The following SLC22A11 variants were observed in gnomAD, a reference collection of about 807,000 sequenced individuals.
SLC22A11 encodes solute carrier family 22 member 11, also known as organic anion transporter 4.
A neutral mutation model predicts 49.4 loss-of-function variants in SLC22A11; 42 were observed. That is an observed-to-expected ratio of 0.85 (90% CI 0.66 to 1.10). The LOEUF (loss-of-function observed/expected upper bound fraction) is 1.10, where lower values mean the gene tolerates loss of function less well. Among genes scored for constraint, SLC22A11 ranks in the 50% least tolerant of loss-of-function variants. SLC22A11 has a pLI of 0.00. For synonymous variants in SLC22A11, 304 were observed against 315.8 expected (o/e 0.96, Z 0.40); for missense variants, 685 against 731.6 (o/e 0.94, Z 0.74).
rs779256060 is a variant in SLC22A11 at position 64,568,789 on chromosome 11, C to A, written c.1382+11C>A. 3.7e-6 allele frequency: 6 copies of A among 1,610,760 alleles called. No individual in the cohort carries two copies. Among genetic ancestry groups the A allele is most frequent in the Admixed American group, 3.3e-5 (2 of 60,004 alleles). ...TCCAACGCCAGTGCGGTAAGCTGGGCTGCAGGCCATGCCCCAGGGCCAGCA... is the reference window on the plus strand; with the variant it reads ...TCCAACGCCAGTGCGGTAAGCTGGGATGCAGGCCATGCCCCAGGGCCAGCA... On this transcript the variant is annotated intron_variant, in intron 8 of 9. Coordinates refer to ENST00000301891, the MANE Select transcript of SLC22A11 (RefSeq NM_018484.4).
At chr11:64,557,798 A>ATT (rs71049648) in intron 1 of SLC22A11, among the ~76,000 whole-genome samples, 3,325 of 133,308 alleles carry the variant, frequency 0.025, 155 homozygotes, top group African/African-American at 0.085. Context: ...TGCCCAGCTA[A>ATT]TTTTTTTTTT....
chr11:64,568,906 C>A, intron 8 of SLC22A11, 128 bp downstream of exon 8: 1 of 753,028 alleles, frequency 1.3e-6, no homozygotes, highest in Non-Finnish European at 2.3e-6. Context: ...CCCAGGACAG[C>A]TCTTCCCCTT....
chr11:64,559,036 GA>G, intron 1 of SLC22A11, 98 bp from the exon 2 acceptor site: 1 of 982,324 alleles, frequency 1.0e-6, no homozygotes, highest in Non-Finnish European at 1.6e-6. Flanking sequence ...CTGGCACTGG[GA>G]GTCCAGGGAC....
Position 64,564,181 on chromosome 11 carries a change from C to T in SLC22A11, c.822-127C>T, listed in dbSNP as rs1243605215. ...TGCCAGGCTCCTGGCTGGGCAGCAG[C>T]GGCACAGAAGCATGTGCTTCCTCAT... is the stretch of plus-strand genomic sequence containing the variant. On this transcript the variant is annotated intron_variant, in intron 4 of 9. Transcript: ENST00000301891. This position sits in a 1 kb window ranked among gnomAD's most constrained non-coding sequence, Gnocchi z 4.2. 39 of 1,217,906 alleles carry T rather than the reference C, an allele frequency of 3.2e-5. 1 individual carries two copies. Among genetic ancestry groups the T allele is most frequent in the Middle Eastern group, 2.5e-4 (1 of 3,974 alleles). 75.4% of individuals were successfully genotyped at this position (1,217,906 alleles called of 1,614,324 possible).
rs773195502 is a variant in SLC22A11, at chr11:64,562,116, G to A, written c.610G>A (p.Ala204Thr). 1.2e-5 allele frequency: 20 copies of A among 1,613,722 alleles called. No homozygotes were observed. Among genetic ancestry groups the A allele is most frequent in the East Asian group, 2.2e-5 (1 of 44,876 alleles). The change falls in exon 3 of 10, where the codon GCT (alanine) becomes ACT (threonine). Residue 204 changes from alanine to threonine, a missense_variant. By Grantham distance (58) the Ala-to-Thr change is moderately conservative. Coordinates refer to ENST00000301891, the MANE Select transcript of SLC22A11 (RefSeq NM_018484.4). The surrounding 1 kb of genome is among the most constrained non-coding windows in gnomAD (Gnocchi z 4.4). ...VIYCGLRFVAAFGMAGIFLSS... is the reference protein window; with the variant it reads ...VIYCGLRFVATFGMAGIFLSS... ...CTACTGCGGCCTGCGGTTCGTGGCC[G>A]CTTTTGGGATGGCCGGCATCTTTCT...
At chr11:64,558,073 C>G (rs1371050326) in intron 1 of SLC22A11, among the ~76,000 whole-genome samples, 1 of 152,142 alleles carries the variant, frequency 6.6e-6, no homozygotes, top group Non-Finnish European at 1.5e-5. Context: ...GCTGGGATTA[C>G]AGGCATGAAC....
chr11:64,560,830 C>G (rs1183949941), intron 2 of SLC22A11, among the ~76,000 whole-genome samples: 1 of 152,224 alleles, frequency 6.6e-6, no homozygotes, highest in African/African-American at 2.4e-5. Context: ...CTTCCCACTC[C>G]CTCCTGCCAC....
At chr11:64,568,107 C>T (rs946601291) in intron 7 of SLC22A11, among the ~76,000 whole-genome samples, 2 of 152,228 alleles carry the variant, frequency 1.3e-5, no homozygotes, top group African/African-American at 2.4e-5. Flanking sequence ...CGGAGGCGGC[C>T]GGGGCCCTGC....
Position 64,556,986 on chromosome 11 carries a change from G to A in SLC22A11, c.393+594G>A, listed in dbSNP as rs189446481. 3.9e-5 allele frequency among the ~76,000 whole-genome samples: 6 copies of A among 152,338 alleles called. No homozygotes were observed. The East Asian group carries it at 1.2e-3, about 29-fold the overall frequency. ...TCTGGTCACCCCACGCCCATTTCCT[G>A]ATCGGTGATGATGGCCCAGATTCGG... On this transcript the variant is annotated intron_variant, in intron 1 of 9. Transcript: ENST00000301891.
Position 64,567,700 on chromosome 11 carries a change from T to C in SLC22A11, c.1160T>C (p.Leu387Pro), listed in dbSNP as rs540715201. The C allele has an allele frequency of 1.2e-6, 2 of 1,613,818 alleles. No homozygotes were observed. Among genetic ancestry groups the C allele is most frequent in the African/African-American group, 2.7e-5 (2 of 74,936 alleles). ...GCCCTCTTCGGGGCCGTGGACTTCC[T>C]GGGCCGGGCCACCACTGCCCTCTTG... is the stretch of plus-strand genomic sequence containing the variant. ...LQALFGAVDF[L>P]GRATTALLLS... Residue 387 changes from leucine to proline, a missense_variant, in exon 7 of 10, where the codon CTG (leucine) becomes CCG (proline). By Grantham distance (98) the Leu-to-Pro change is moderately conservative. Transcript: ENST00000301891.
intron 7 of SLC22A11, among the ~76,000 whole-genome samples, chr11:64,568,173 C>T (rs116054523): frequency 0.021 from 3,197 of 152,322 alleles, 123 homozygotes; most frequent in African/African-American, 0.073. Context: ...AAACTGACAA[C>T]GGCGAGCACC....
chr11:64,559,808 G>A (rs1002228782), intron 2 of SLC22A11, among the ~76,000 whole-genome samples: 3 of 152,172 alleles, frequency 2.0e-5, no homozygotes, highest in Non-Finnish European at 4.4e-5. Context: ...GGCCGGTTAG[G>A]GGAACAGGGC....
At chr11:64,568,484 C>T (rs1025346825) in intron 7 of SLC22A11, among the ~76,000 whole-genome samples, 186 bp from the exon 8 acceptor site, 1 of 152,222 alleles carries the variant, frequency 6.6e-6, no homozygotes, top group Non-Finnish European at 1.5e-5. Flanking sequence ...GGGCCCCTGC[C>T]GCGATATCGC....
chr11:64,565,288 T>C lies in SLC22A11; in HGVS notation c.1009T>C (p.Phe337Leu), dbSNP rs925937899. ...AKEPRSVLDL[F>L]CVPVLRWRSC... ...GGAGCCGCGGTCGGTGCTGGACCTG[T>C]TCTGCGTGCCCGTGCTCCGCTGGAG... The change falls in exon 6 of 10, where the codon TTC becomes CTC. Residue 337 changes from phenylalanine (F) to leucine (L), a missense_variant. Physicochemically the swap from Phe to Leu is conservative, Grantham distance 22 (BLOSUM62 0). Transcript: ENST00000301891. This position sits in a 1 kb window ranked among gnomAD's most constrained non-coding sequence, Gnocchi z 4.1. The C allele has an allele frequency of 7.1e-6, 11 of 1,551,380 alleles. No homozygotes were observed. In the Admixed American group the frequency reaches 2.0e-4, roughly 28 times the overall value.
At chr11:64,569,279 T>G (rs1341230072) in intron 8 of SLC22A11, among the ~76,000 whole-genome samples, 2 of 152,220 alleles carry the variant, frequency 1.3e-5, no homozygotes, top group Non-Finnish European at 2.9e-5. Flanking sequence ...CTCTCCAGAC[T>G]TTTAGCCCAA....
At chr11:64,568,497 C>T (rs2038659847) in intron 7 of SLC22A11, among the ~76,000 whole-genome samples, 173 bp from the exon 8 acceptor site, 1 of 152,218 alleles carries the variant, frequency 6.6e-6, no homozygotes, top group Non-Finnish European at 1.5e-5. Context: ...GATATCGCAT[C>T]CTATGCTCTG....
In SLC22A11 at chr11:64,565,416, C is replaced by CTGG; in HGVS notation, c.1058+79_1058+80insTGG. 1 of 1,231,514 alleles carries CTGG rather than the reference C, an allele frequency of 8.1e-7. No individual in the cohort carries two copies. Among genetic ancestry groups the CTGG allele is most frequent in the Non-Finnish European group, 1.2e-6 (1 of 869,152 alleles). The allele number at this position is 1,231,514 out of a possible 1,614,324, so 76.3% of individuals were successfully genotyped here. A position where few individuals can be genotyped will look rare whatever the true frequency, so the allele number is the denominator to read the frequency against. On this transcript the variant is annotated intron_variant, in intron 6 of 9. Transcript: ENST00000301891. The surrounding 1 kb of genome is among the most constrained non-coding windows in gnomAD (Gnocchi z 4.1). Reference sequence around the variant, plus strand: ...GAGCTGGGACAGGCAGGAGGCAGAGCGTCCAGGGGAAACAGCACCCGCAGG... The same window carrying CTGG: ...GAGCTGGGACAGGCAGGAGGCAGAGCTGGGTCCAGGGGAAACAGCACCCGCAGG...
intron 1 of SLC22A11, among the ~76,000 whole-genome samples, chr11:64,558,915 G>C (rs1324435640): frequency 6.6e-6 from 1 of 152,186 alleles, no homozygotes; most frequent in Non-Finnish European, 1.5e-5. Context: ...CCCGTGGAGT[G>C]GCCTCCACAC....
At chr11:64,556,535 G>A (rs963808723) in intron 1 of SLC22A11, 143 bp downstream of exon 1, 27 of 1,332,672 alleles carry the variant, frequency 2.0e-5, no homozygotes, top group Non-Finnish European at 2.7e-5. Flanking sequence ...CACACACAGG[G>A]GAGTGGGCGG....
Sources: allele counts gnomAD v4.1 joint callset (sites outside exome capture counted in the v4.1 genomes callset), GRCh38; gene constraint gnomAD v4.1.1; non-coding constraint Gnocchi (gnomAD v3.1); transcripts MANE v1.5; gene names NCBI Gene and HGNC (gene_info 2026-07-23, HGNC 2026-07-21).